The following RAB3IP variants were observed in gnomAD, a reference collection of about 807,000 sequenced individuals.
RAB3IP encodes the protein rab-3A-interacting protein.
In RAB3IP, 36 loss-of-function variants were observed where a neutral mutation model predicts 59.1. The ratio of observed to expected loss-of-function variants is 0.61; its 90% confidence interval spans 0.47 to 0.80. The LOEUF (loss-of-function observed/expected upper bound fraction) is 0.80, where lower values mean the gene tolerates loss of function less well. RAB3IP is among the 30% of genes least tolerant of loss of function. RAB3IP has a pLI of 0.00. For missense variants in RAB3IP, 511 were observed against 536.0 expected (o/e 0.95, Z 0.46); for synonymous variants, 207 against 191.2 (o/e 1.08, Z -0.68).
At chr12:69,773,375 T>A (rs1250441019) in intron 3 of RAB3IP, among the ~76,000 whole-genome samples, 3 of 148,956 alleles carry the variant, frequency 2.0e-5, no homozygotes, top group East Asian at 2.0e-4. Context: ...TTTTTTTGGA[T>A]ACGCCTTCTA....
At chr12:69,742,584 A>T (rs1381241812) in intron 1 of RAB3IP, among the ~76,000 whole-genome samples, 1 of 152,128 alleles carries the variant, frequency 6.6e-6, no homozygotes, top group East Asian at 1.9e-4. Context: ...GGCTTACCTC[A>T]TTTTATAGCT....
rs1438599806 is a variant in RAB3IP, at chr12:69,818,443, A to G, written c.*2997A>G. 6.6e-6 allele frequency: 1 copy of G among 150,454 alleles called. No individual in the cohort carries two copies. Among genetic ancestry groups the G allele is most frequent in the Non-Finnish European group, 1.5e-5 (1 of 67,896 alleles). 9.3% of individuals were successfully genotyped at this position (150,454 alleles called of 1,614,324 possible). On this transcript the variant is annotated 3_prime_UTR_variant, in exon 11 of 11. Coordinates refer to ENST00000247833, the MANE Select transcript of RAB3IP (RefSeq NM_022456.5). ...TTACCTTGGGTGACAGAGTAAGATC[A>G]TACCTTAAAAAAAAAAAAAAAGTAT...
chr12:69,822,207 A>C lies in RAB3IP; in HGVS notation c.*6761A>C, dbSNP rs1371801886. 1.3e-5 allele frequency: 2 copies of C among 152,200 alleles called. No homozygotes were observed. The highest frequency in any genetic ancestry group is 2.9e-5 in the Non-Finnish European group (2 of 68,046). 9.4% of individuals were successfully genotyped at this position (152,200 alleles called of 1,614,324 possible). On this transcript the variant is annotated 3_prime_UTR_variant, in exon 11 of 11. Coordinates refer to ENST00000247833, the MANE Select transcript of RAB3IP (RefSeq NM_022456.5). ...TAAAGGCATATAAATCCTTAAAAAA[A>C]ATCATTTGACTTCATCCTTGCTCCC...
At chr12:69,796,294 C>T (rs1003223871) in intron 6 of RAB3IP, 1 of 159,100 alleles carries the variant, frequency 6.3e-6, no homozygotes, top group Admixed American at 6.5e-5. Flanking sequence ...GAGCGAAACT[C>T]TGTCTCAAAA....
upstream of RAB3IP, chr12:69,738,670 G>C (rs952171855): frequency 6.6e-6 from 1 of 152,166 alleles, no homozygotes; most frequent in Admixed American, 6.5e-5. Context: ...AACCGCCCGC[G>C]GAGGAACCTC....
chr12:69,800,058 C>T, intron 6 of RAB3IP, 151 bp from the exon 7 acceptor site: 1 of 441,890 alleles, frequency 2.3e-6, no homozygotes, highest in Non-Finnish European at 3.8e-6. Flanking sequence ...AAAACTGCTA[C>T]CAGGTATTGA....
At chr12:69,800,410 A>G (rs942260746) in intron 7 of RAB3IP, 73 bp downstream of exon 7, 7 of 846,276 alleles carry the variant, frequency 8.3e-6, no homozygotes, top group East Asian at 3.2e-5. Flanking sequence ...ATCATATTAC[A>G]TATTTTAATA....
intron 3 of RAB3IP, among the ~76,000 whole-genome samples, chr12:69,767,211 G>C (rs538102683): frequency 2.0e-5 from 3 of 152,010 alleles, no homozygotes; most frequent in African/African-American, 7.3e-5. Flanking sequence ...TGACTGTAGA[G>C]AATTCTGGGT....
intron 3 of RAB3IP, among the ~76,000 whole-genome samples, chr12:69,762,158 G>A (rs926686345): frequency 3.9e-5 from 6 of 152,154 alleles, no homozygotes; most frequent in African/African-American, 1.4e-4. Context: ...GTGTGTGTAG[G>A]GGGACCAATC....
chr12:69,747,704 A>G (rs1243625616), intron 1 of RAB3IP, among the ~76,000 whole-genome samples: 3 of 152,206 alleles, frequency 2.0e-5, no homozygotes, highest in Non-Finnish European at 2.9e-5. Flanking sequence ...AGTACAAGCT[A>G]TTTCATGAGA....
chr12:69,796,480 C>G (rs1370639711), intron 6 of RAB3IP: 12 of 420,902 alleles, frequency 2.9e-5, no homozygotes, highest in Non-Finnish European at 4.2e-5. Flanking sequence ...TTCTTAGAAG[C>G]CATCTTTTAC....
At chr12:69,773,412 T>C (rs1873517236) in intron 3 of RAB3IP, among the ~76,000 whole-genome samples, 2 of 137,854 alleles carry the variant, frequency 1.5e-5, no homozygotes. Flanking sequence ...TTTTTTTTTT[T>C]TTTTTTTTTT....
At chr12:69,778,465 C>T (rs577008421) in intron 3 of RAB3IP, among the ~76,000 whole-genome samples, 15,607 of 145,138 alleles carry the variant, frequency 0.11, 1,153 homozygotes, top group Middle Eastern at 0.17. Context: ...TGAGGAACTG[C>T]GTTCCTTTGG....
chr12:69,767,457 C>T (rs1365147481), intron 3 of RAB3IP, among the ~76,000 whole-genome samples: 1 of 152,214 alleles, frequency 6.6e-6, no homozygotes, highest in Admixed American at 6.5e-5. Context: ...AACGACTGGG[C>T]AAATCTGCCA....
At chr12:69,795,686 A>G in intron 6 of RAB3IP, 1 of 385,176 alleles carries the variant, frequency 2.6e-6, no homozygotes. Context: ...GTATGGATAT[A>G]AGAAATATGT....
At chr12:69,810,444 TC>T (rs377173627) in intron 8 of RAB3IP, among the ~76,000 whole-genome samples, 193 of 152,300 alleles carry the variant, frequency 1.3e-3, no homozygotes, top group African/African-American at 4.5e-3. Context: ...AATGCAGAAA[TC>T]ACCCGTCTTC....
intron 3 of RAB3IP, among the ~76,000 whole-genome samples, chr12:69,779,387 C>T (rs903070414): frequency 3.3e-5 from 5 of 151,466 alleles, no homozygotes; most frequent in East Asian, 3.9e-4. Context: ...GCGTCGCTCA[C>T]GCTGGTAGCT....
At chr12:69,810,803 C>G (rs1227288841) in intron 8 of RAB3IP, among the ~76,000 whole-genome samples, 4 of 152,172 alleles carry the variant, frequency 2.6e-5, no homozygotes, top group East Asian at 3.9e-4. Context: ...GGATTACGGT[C>G]TAGATTTAGA....
chr12:69,815,540 C>A lies in RAB3IP; in HGVS notation c.*94C>A. On this transcript the variant is annotated 3_prime_UTR_variant, in exon 11 of 11. Transcript: ENST00000247833. ...TTGATATTTATTTCCAAGGAGTGAGCCTAAGACTTTTTTCCCCTTTTGCAA... is the reference window on the plus strand; with the variant it reads ...TTGATATTTATTTCCAAGGAGTGAGACTAAGACTTTTTTCCCCTTTTGCAA... 1.1e-6 allele frequency: 1 copy of A among 915,292 alleles called. No homozygotes were observed. The highest frequency in any genetic ancestry group is 1.7e-6 in the Non-Finnish European group (1 of 578,844). 56.7% of individuals were successfully genotyped at this position (915,292 alleles called of 1,614,324 possible). A position where few individuals can be genotyped will look rare whatever the true frequency, so the allele number is the denominator to read the frequency against.
Sources: gnomAD v4.1 joint callset for allele counts (sites outside exome capture counted in the v4.1 genomes callset) on GRCh38, gnomAD v4.1.1 for gene constraint, MANE v1.5 for transcripts, NCBI Gene and HGNC (gene_info 2026-07-23, HGNC 2026-07-21) for gene names.